PELI2: variants seen among roughly 807,000 people sequenced by gnomAD.
PELI2 encodes the protein pellino E3 ubiquitin protein ligase family member 2, also known as E3 ubiquitin-protein ligase pellino homolog 2.
In PELI2, 23 loss-of-function variants were observed where a neutral mutation model predicts 42.3. The observed-to-expected ratio is 0.54, with a 90% CI of 0.39 to 0.77. PELI2 has a LOEUF of 0.77. Among genes scored for constraint, PELI2 ranks in the 30% least tolerant of loss-of-function variants. The probability of loss-of-function intolerance (pLI) is 0.00; values close to 1 mark genes in which losing one functional copy is unlikely to be tolerated. For synonymous variants in PELI2, 245 were observed against 212.2 expected, an observed-to-expected ratio of 1.15 and a Z score of -1.34; for missense variants, 463 against 553.2, an observed-to-expected ratio of 0.84 and a Z score of 1.64.
intron 2 of PELI2, among the ~76,000 whole-genome samples, chr14:56,228,348 T>A (rs1196332221): frequency 1.3e-5 from 2 of 152,184 alleles, no homozygotes; most frequent in Non-Finnish European, 2.9e-5. Flanking sequence ...CCATAGCTGT[T>A]GGAAGGAAAA....
intron 2 of PELI2, among the ~76,000 whole-genome samples, chr14:56,208,389 G>C (rs1886590865): frequency 6.6e-6 from 1 of 152,250 alleles, no homozygotes; most frequent in Admixed American, 6.5e-5. Flanking sequence ...AGGCACAGCA[G>C]AATCTGCTCT....
At chr14:56,158,400 G>A (rs11621515) in intron 1 of PELI2, among the ~76,000 whole-genome samples, 57,221 of 151,906 alleles carry the variant, frequency 0.38, 12,184 homozygotes, top group South Asian at 0.52. Context: ...GGAGTGCAGT[G>A]GTATGATCTC....
At chr14:56,257,942 C>G (rs1888578606) in intron 2 of PELI2, among the ~76,000 whole-genome samples, 1 of 152,176 alleles carries the variant, frequency 6.6e-6, no homozygotes, top group African/African-American at 2.4e-5. Flanking sequence ...AGAGGATACT[C>G]TCTGAGCCCT....
chr14:56,161,564 C>T (rs188834702), intron 1 of PELI2, among the ~76,000 whole-genome samples: 20 of 152,264 alleles, frequency 1.3e-4, no homozygotes, highest in African/African-American at 1.9e-4. Context: ...TGAGCCACAG[C>T]GCCTGGCTGG....
chr14:56,130,694 C>G (rs559550959), intron 1 of PELI2, among the ~76,000 whole-genome samples: 1 of 151,956 alleles, frequency 6.6e-6, no homozygotes, highest in East Asian at 1.9e-4. Flanking sequence ...TATATCTTCC[C>G]TATTTACCTG....
intron 1 of PELI2, among the ~76,000 whole-genome samples, chr14:56,172,326 T>C (rs889147853): frequency 5.3e-5 from 8 of 152,192 alleles, no homozygotes; most frequent in African/African-American, 1.9e-4. Flanking sequence ...AGTGCCTACA[T>C]GTGGCCTGCC....
chr14:56,196,674 C>T (rs900391425), intron 2 of PELI2, among the ~76,000 whole-genome samples: 4 of 152,092 alleles, frequency 2.6e-5, no homozygotes, highest in African/African-American at 4.8e-5. Context: ...ACTTTAGGAA[C>T]GTTTGTCTTA....
Position 56,288,340 on chromosome 14 carries a change from T to C in PELI2, c.310-97T>C. On this transcript the variant is annotated intron_variant, in intron 3 of 5. Transcript: ENST00000267460. The surrounding 1 kb of genome is among the most constrained non-coding windows in gnomAD (Gnocchi z 4.6). ...ATTCTAACCCTCAGAACAAGGATAG[T>C]GAATGTTAAAGGAATCCTGAATGCT... 1 of 859,692 alleles carries C rather than the reference T, an allele frequency of 1.2e-6. No homozygotes were observed. Among genetic ancestry groups the C allele is most frequent in the Non-Finnish European group, 1.9e-6 (1 of 529,540 alleles). 53.3% of individuals were successfully genotyped at this position (859,692 alleles called of 1,614,324 possible). A position where few individuals can be genotyped will look rare whatever the true frequency, so the allele number is the denominator to read the frequency against.
At chr14:56,279,846 T>A in intron 3 of PELI2, 69 bp downstream of exon 3, 3 of 750,764 alleles carry the variant, frequency 4.0e-6, no homozygotes, top group Non-Finnish European at 6.9e-6. Flanking sequence ...TTATATGTAA[T>A]CAGATCTTCC....
intron 1 of PELI2, among the ~76,000 whole-genome samples, chr14:56,127,245 A>G (rs892679184): frequency 6.6e-6 from 1 of 152,210 alleles, no homozygotes; most frequent in African/African-American, 2.4e-5. Context: ...GCTTTCACCC[A>G]GGAGAGCTAA....
chr14:56,295,027 C>G (rs1354484236), intron 5 of PELI2, among the ~76,000 whole-genome samples: 1 of 152,098 alleles, frequency 6.6e-6, no homozygotes, highest in Non-Finnish European at 1.5e-5. Flanking sequence ...ACTGTTCTAC[C>G]CAGACAACCA....
intron 1 of PELI2, among the ~76,000 whole-genome samples, chr14:56,122,594 A>G (rs943525551): frequency 7.9e-5 from 10 of 126,078 alleles, no homozygotes; most frequent in Middle Eastern, 4.7e-3. Flanking sequence ...TGCATTTTGC[A>G]AGACTTTTTT....
chr14:56,278,949 T>C (rs1398643926), intron 2 of PELI2, among the ~76,000 whole-genome samples: 1 of 152,180 alleles, frequency 6.6e-6, no homozygotes, highest in Non-Finnish European at 1.5e-5. Flanking sequence ...ATTAAAAGTA[T>C]GTGACCACAA....
chr14:56,194,191 T>A (rs1417713685), intron 2 of PELI2, among the ~76,000 whole-genome samples: 1 of 152,144 alleles, frequency 6.6e-6, no homozygotes, highest in African/African-American at 2.4e-5. Flanking sequence ...AATACACAGT[T>A]TACTTCCCAC....
At chr14:56,168,708 T>G (rs1885058918) in intron 1 of PELI2, among the ~76,000 whole-genome samples, 1 of 151,928 alleles carries the variant, frequency 6.6e-6, no homozygotes, top group African/African-American at 2.4e-5. Flanking sequence ...CAAAGTGCCC[T>G]TTGCTTTTCC....
intron 2 of PELI2, among the ~76,000 whole-genome samples, chr14:56,278,616 A>G (rs1026446399): frequency 6.6e-6 from 1 of 152,182 alleles, no homozygotes; most frequent in Non-Finnish European, 1.5e-5. Context: ...AATAACCATG[A>G]GATTAACCAG....
At position 56,148,776 on chromosome 14, in the gene PELI2, C is replaced by T. The variant is rs187918332; in HGVS notation, c.78-29559C>T. Among the ~76,000 whole-genome samples, 3 of 152,294 alleles carry T rather than the reference C, an allele frequency of 2.0e-5. No individual in the cohort carries two copies. In the East Asian group the frequency reaches 5.8e-4, roughly 29 times the overall value. On this transcript the variant is annotated intron_variant, in intron 1 of 5. Transcript: ENST00000267460. ...CTGCTCCCCTGCTGAACTGTGTTCT[C>T]CTGGTAGCAGGGACTTTTCTTACAT...
At chr14:56,213,648 T>A (rs1307051359) in intron 2 of PELI2, among the ~76,000 whole-genome samples, 1 of 152,052 alleles carries the variant, frequency 6.6e-6, no homozygotes, top group Non-Finnish European at 1.5e-5. Context: ...AAAAATGTGT[T>A]TGGGGGTGAG....
At chr14:56,176,690 C>T (rs1217792386) in intron 1 of PELI2, among the ~76,000 whole-genome samples, 1 of 152,158 alleles carries the variant, frequency 6.6e-6, no homozygotes, top group Non-Finnish European at 1.5e-5. Flanking sequence ...CATTCAAGTG[C>T]ATCTACCATA....
Sources: allele counts gnomAD v4.1 joint callset (sites outside exome capture counted in the v4.1 genomes callset), GRCh38; gene constraint gnomAD v4.1.1; non-coding constraint Gnocchi (gnomAD v3.1); transcripts MANE v1.5; gene names NCBI Gene and HGNC (gene_info 2026-07-23, HGNC 2026-07-21).